DGKD: variants seen among roughly 807,000 people sequenced by gnomAD.
DGKD encodes diacylglycerol kinase delta.
DGKD carries 68 observed loss-of-function variants against 154.4 expected under a neutral mutation model. That is an observed-to-expected ratio of 0.44 (90% CI 0.36 to 0.54). The LOEUF (loss-of-function observed/expected upper bound fraction) is 0.54. Among genes scored for constraint, DGKD ranks in the 20% least tolerant of loss-of-function variants. The probability of loss-of-function intolerance (pLI) is 0.00; values close to 1 mark genes in which losing one functional copy is unlikely to be tolerated. For missense variants in DGKD, 1,343 were observed against 1,593.6 expected (o/e 0.84, Z 2.68); for synonymous variants, 693 against 638.0 (o/e 1.09, Z -1.30).
At chr2:233,428,195 C>T (rs1417373731) in intron 3 of DGKD, among the ~76,000 whole-genome samples, 2 of 151,978 alleles carry the variant, frequency 1.3e-5, no homozygotes, top group East Asian at 1.9e-4. Context: ...GGCTGGAGCT[C>T]GCCAGGAGGG....
chr2:233,377,078 CTTTTTTTTTTT>C (rs755610624), intron 1 of DGKD, among the ~76,000 whole-genome samples: 4 of 129,302 alleles, frequency 3.1e-5, no homozygotes, highest in East Asian at 2.1e-4. Flanking sequence ...TAGCATGTTC[CTTTTTTTTTTT>C]TTTTTTTTTG....
intron 8 of DGKD, among the ~76,000 whole-genome samples, chr2:233,437,770 G>A (rs1293715942): frequency 1.3e-5 from 2 of 152,216 alleles, no homozygotes; most frequent in Non-Finnish European, 2.9e-5. Context: ...GGCACTTGAC[G>A]TGGAGGTGAT....
intron 10 of DGKD, chr2:233,442,286 G>C: frequency 1.9e-6 from 1 of 538,086 alleles, no homozygotes; most frequent in East Asian, 3.9e-5. Context: ...GGGCTGGGTG[G>C]GGCTGTTGCT....
chr2:233,396,980 G>C (rs1327318302), intron 3 of DGKD, among the ~76,000 whole-genome samples: 10 of 84,858 alleles, frequency 1.2e-4, no homozygotes, highest in Admixed American at 2.5e-4. Flanking sequence ...GCTGGGGGGG[G>C]CAGAGCGAGA....
In DGKD at chr2:233,440,974, G is replaced by C. The variant is rs2125610478; in HGVS notation, c.1086-913G>C. Among the ~76,000 whole-genome samples the C allele has an allele frequency of 6.6e-6, 1 of 152,298 alleles. No individual in the cohort carries two copies. On this transcript the variant is annotated intron_variant, in intron 9 of 29. Transcript: ENST00000264057. The surrounding 1 kb of genome is among the most constrained non-coding windows in gnomAD (Gnocchi z 4.9). ...GGAGGTGGGTCTGGCCTCTGGACTG[G>C]GTTGGTGGTCGAGCTACCATTCTCC...
At chr2:233,357,073 A>G (rs769480956) in intron 1 of DGKD, among the ~76,000 whole-genome samples, 3 of 152,180 alleles carry the variant, frequency 2.0e-5, no homozygotes, top group African/African-American at 7.2e-5. Flanking sequence ...TGCCACCCCT[A>G]AGTTGGAGGG....
intron 6 of DGKD, 68 bp from the exon 7 acceptor site, chr2:233,436,248 C>T: frequency 6.2e-7 from 1 of 1,602,364 alleles, no homozygotes; most frequent in Non-Finnish European, 8.5e-7. Context: ...TCACAACGAG[C>T]ATTTCCTGGC....
rs576646642 is a variant in DGKD, at chr2:233,469,500, C to G, written c.*40C>G. 2.0e-6 allele frequency: 3 copies of G among 1,535,026 alleles called. No homozygotes were observed. In the South Asian group the frequency reaches 3.6e-5, roughly 18 times the overall value. ...GCCTGTGGCCTCCACATCCCCGCCGCCGAGGCCTAGCCTCCGCCCTCTCAG... is the reference window on the plus strand; with the variant it reads ...GCCTGTGGCCTCCACATCCCCGCCGGCGAGGCCTAGCCTCCGCCCTCTCAG... On this transcript the variant is annotated 3_prime_UTR_variant, in exon 30 of 30. Transcript: ENST00000264057.
chr2:233,370,969 C>G (rs1360193021), intron 1 of DGKD, among the ~76,000 whole-genome samples: 1 of 151,236 alleles, frequency 6.6e-6, no homozygotes, highest in Non-Finnish European at 1.5e-5. Context: ...CCAGGTTGGT[C>G]TCGAACACTC....
chr2:233,422,344 T>C (rs1215875812), intron 3 of DGKD, among the ~76,000 whole-genome samples: 1 of 152,230 alleles, frequency 6.6e-6, no homozygotes, highest in Non-Finnish European at 1.5e-5. Context: ...GGGCCCTGCC[T>C]TGTGCAGGCT....
In DGKD at chr2:233,468,436, G is replaced by T. The variant is rs1431095371; in HGVS notation, c.3438G>T (p.Gly1146=). 1.9e-6 allele frequency: 3 copies of T among 1,613,370 alleles called. No homozygotes were observed. Among genetic ancestry groups the T allele is most frequent in the African/African-American group, 1.3e-5 (1 of 74,758 alleles). Reference sequence around the variant, plus strand: ...CATCTCCGACAGTTCACCTCTGGGGGACAGAGGAGGTTGCTGCCTGGCTGG... The same window carrying T: ...CATCTCCGACAGTTCACCTCTGGGGTACAGAGGAGGTTGCTGCCTGGCTGG... ...SSLGAPVHLW[G]TEEVAAWLEH... The change falls in exon 29 of 30, where the codon GGG becomes GGT. Residue 1146 remains glycine (G), a synonymous_variant. Transcript: ENST00000264057.
intron 3 of DGKD, among the ~76,000 whole-genome samples, chr2:233,395,891 C>G (rs1214829045): frequency 6.6e-6 from 1 of 152,014 alleles, no homozygotes; most frequent in Non-Finnish European, 1.5e-5. Context: ...TGGTGACATC[C>G]TTTTTTTGGT....
Position 233,452,023 on chromosome 2 carries a change from A to G in DGKD, c.2227A>G (p.Ile743Val). Residue 743 changes from isoleucine to valine, a missense_variant, in exon 18 of 30, where the codon ATT becomes GTT. This residue lies in a region of DGKD where 409 missense variants were observed against 446.0 expected (regional missense o/e 0.92). Coordinates refer to ENST00000264057, the MANE Select transcript of DGKD (RefSeq NM_152879.3). This position sits in a 1 kb window ranked among gnomAD's most constrained non-coding sequence, Gnocchi z 4.0. Reference sequence around the variant, plus strand: ...TGGCTCAGTCATCAGTCGCCTGTTAATTAATGCTGATCCCTTCAACTCTGA... The same window carrying G: ...TGGCTCAGTCATCAGTCGCCTGTTAGTTAATGCTGATCCCTTCAACTCTGA... ...PGGSVISRLL[I>V]NADPFNSEPE... 1.9e-6 allele frequency: 3 copies of G among 1,614,104 alleles called. No individual in the cohort carries two copies. Among genetic ancestry groups the G allele is most frequent in the South Asian group, 1.1e-5 (1 of 91,078 alleles).
intron 3 of DGKD, among the ~76,000 whole-genome samples, chr2:233,421,206 C>G (rs1045126428): frequency 1.3e-5 from 2 of 152,168 alleles, no homozygotes; most frequent in Non-Finnish European, 2.9e-5. Context: ...TGCCGCCACC[C>G]CAGCTGTAAA....
chr2:233,392,696 G>T (rs1237645499), intron 3 of DGKD, among the ~76,000 whole-genome samples: 1 of 152,158 alleles, frequency 6.6e-6, no homozygotes, highest in African/African-American at 2.4e-5. Flanking sequence ...TTGTCAAGAA[G>T]ACTTTTTAGG....
Position 233,458,135 on chromosome 2 carries a change from T to C in DGKD, c.2581-149T>C, listed in dbSNP as rs2063516973. ...GTCCCAGGCAGCTGGTTTCAGGGCC[T>C]GCAACATGAAGCCCGTCAGGAGTGC... On this transcript the variant is annotated intron_variant, in intron 21 of 29. Coordinates refer to ENST00000264057, the MANE Select transcript of DGKD (RefSeq NM_152879.3). The surrounding 1 kb of genome is among the most constrained non-coding windows in gnomAD (Gnocchi z 6.6). 1.9e-6 allele frequency: 1 copy of C among 539,386 alleles called. No individual in the cohort carries two copies. The highest frequency in any genetic ancestry group is 3.4e-6 in the Non-Finnish European group (1 of 297,494). The allele number at this position is 539,386 out of a possible 1,614,324, so 33.4% of individuals were successfully genotyped here. A position where few individuals can be genotyped will look rare whatever the true frequency, so the allele number is the denominator to read the frequency against.
chr2:233,446,699 C>A lies in DGKD; in HGVS notation c.1335-13C>A. The A allele has an allele frequency of 1.2e-6, 2 of 1,612,866 alleles. No homozygotes were observed. Among genetic ancestry groups the A allele is most frequent in the South Asian group, 1.1e-5 (1 of 91,012 alleles). On this transcript the variant is annotated splice_polypyrimidine_tract_variant and intron_variant, in intron 11 of 29. Coordinates refer to ENST00000264057, the MANE Select transcript of DGKD (RefSeq NM_152879.3). ...ACGTCTTGCCGCCTGTGCAGCTGACCTTGTGTGTGCAGGTGGAGCGTCATG... is the reference window on the plus strand; with the variant it reads ...ACGTCTTGCCGCCTGTGCAGCTGACATTGTGTGTGCAGGTGGAGCGTCATG...
intron 1 of DGKD, among the ~76,000 whole-genome samples, chr2:233,376,092 A>G (rs540833885): frequency 1.3e-5 from 2 of 152,236 alleles, no homozygotes; most frequent in South Asian, 2.1e-4. Flanking sequence ...TTAATGAACC[A>G]CAGAGCGCAT....
chr2:233,423,733 A>G (rs1050444048), intron 3 of DGKD, among the ~76,000 whole-genome samples: 5 of 151,816 alleles, frequency 3.3e-5, no homozygotes, highest in South Asian at 2.1e-4. Context: ...TGCCGTTGTC[A>G]GTTTCTGTCT....
Sources: gnomAD v4.1 joint callset for allele counts (sites outside exome capture counted in the v4.1 genomes callset) on GRCh38, gnomAD v4.1.1 for gene constraint, gnomAD v4.1.1 regional missense constraint, Gnocchi (gnomAD v3.1) non-coding constraint, MANE v1.5 for transcripts, NCBI Gene and HGNC (gene_info 2026-07-23, HGNC 2026-07-21) for gene names.